BCR: variants seen among roughly 807,000 people sequenced by gnomAD.
The protein encoded by BCR is BCR activator of RhoGEF and GTPase.
Under a neutral mutation model 138.6 loss-of-function variants are expected in BCR, and 58 were observed. The ratio of observed to expected loss-of-function variants is 0.42; its 90% CI spans 0.34 to 0.52. The LOEUF is 0.52. BCR is among the 20% of genes least tolerant of loss of function. The pLI is 0.06. For missense variants in BCR, 1,599 were observed against 1,727.2 expected (o/e 0.93, Z 1.32); for synonymous variants, 786 against 730.1 (o/e 1.08, Z -1.23).
chr22:23,207,212 A>G (rs2072628182), intron 1 of BCR, among the ~76,000 whole-genome samples: 1 of 152,150 alleles, frequency 6.6e-6, no homozygotes, highest in Non-Finnish European at 1.5e-5. Context: ...CCATAGACAT[A>G]TATTAAAAAC....
chr22:23,258,425 C>T (rs2073320624), intron 2 of BCR, among the ~76,000 whole-genome samples: 2 of 152,168 alleles, frequency 1.3e-5, no homozygotes, highest in Admixed American at 6.5e-5. Context: ...CTGGGCACTT[C>T]GTGTTGAACC....
chr22:23,294,824 C>T (rs920073017), intron 15 of BCR, among the ~76,000 whole-genome samples, 200 bp from the exon 16 acceptor site: 19 of 152,160 alleles, frequency 1.2e-4, no homozygotes, highest in Admixed American at 3.3e-4. Flanking sequence ...TGGAAGCATC[C>T]GGGCTGGGCC....
intron 1 of BCR, among the ~76,000 whole-genome samples, chr22:23,200,567 AT>A (rs1378552331): frequency 2.0e-5 from 3 of 151,538 alleles, no homozygotes; most frequent in African/African-American, 4.8e-5. Context: ...TTAAAAAAAA[AT>A]TTTTTTTGAA....
Position 23,287,328 on chromosome 22 carries a change from C to T in BCR, c.2526+50C>T. The T allele has an allele frequency of 3.4e-6, 5 of 1,482,994 alleles. No homozygotes were observed. In the South Asian group the frequency reaches 6.9e-5, roughly 20 times the overall value. 91.9% of individuals were successfully genotyped at this position (1,482,994 alleles called of 1,614,324 possible). A position where few individuals can be genotyped will look rare whatever the true frequency, so the allele number is the denominator to read the frequency against. ...TCCTGCTCTCCTGGCCTGGGATGGGCTCCTGGTTGCCTAATGGCAGTGCGT... is the reference window on the plus strand; with the variant it reads ...TCCTGCTCTCCTGGCCTGGGATGGGTTCCTGGTTGCCTAATGGCAGTGCGT... On this transcript the variant is annotated intron_variant, in intron 11 of 22. Transcript: ENST00000305877.
intron 12 of BCR, among the ~76,000 whole-genome samples, chr22:23,288,966 C>T (rs924706776): frequency 6.6e-6 from 1 of 152,194 alleles, no homozygotes; most frequent in African/African-American, 2.4e-5. Context: ...CTCTCGGCCC[C>T]CAATGCCACC....
At chr22:23,229,885 G>C (rs1033028167) in intron 1 of BCR, among the ~76,000 whole-genome samples, 2 of 152,158 alleles carry the variant, frequency 1.3e-5, no homozygotes, top group African/African-American at 4.8e-5. Context: ...AGAGTGGAAA[G>C]AGTCCACGGG....
At chr22:23,314,435 G>A (rs1367504571) in intron 21 of BCR, 117 bp from the exon 22 acceptor site, 1 of 1,209,858 alleles carries the variant, frequency 8.3e-7, no homozygotes, top group African/African-American at 1.5e-5. Context: ...GAGTCAGCTT[G>A]CAGCACAGCC....
At chr22:23,271,472 T>G (rs749289361) in intron 5 of BCR, 60 bp from the exon 6 acceptor site, 5 of 1,543,236 alleles carry the variant, frequency 3.2e-6, no homozygotes, top group Non-Finnish European at 4.5e-6. Context: ...AAGGGGGAAC[T>G]GTCTGCATCA....
At chr22:23,254,017 G>C (rs749245847) in intron 2 of BCR, 37 bp downstream of exon 2, 2 of 1,579,240 alleles carry the variant, frequency 1.3e-6, no homozygotes, top group Non-Finnish European at 8.6e-7. Context: ...AGGAGGGCCA[G>C]GTGAGGCTCC....
At chr22:23,188,088 C>T (rs1441663902) in intron 1 of BCR, among the ~76,000 whole-genome samples, 4 of 152,144 alleles carry the variant, frequency 2.6e-5, no homozygotes, top group African/African-American at 4.8e-5. Flanking sequence ...TTGGCTCCAT[C>T]GTCATCTCTT....
chr22:23,304,099 ATTTTTTTTT>A (rs56805241), intron 16 of BCR, among the ~76,000 whole-genome samples: 5 of 102,190 alleles, frequency 4.9e-5, no homozygotes, highest in Admixed American at 3.1e-4. Flanking sequence ...ATGCCAGGCT[ATTTTTTTTT>A]TTTTTTTTTT....
At chr22:23,277,284 A>G (rs1440295425) in intron 8 of BCR, among the ~76,000 whole-genome samples, 3 of 152,152 alleles carry the variant, frequency 2.0e-5, no homozygotes, top group Admixed American at 6.5e-5. Context: ...CGACTCAGAG[A>G]GGTTGAGTGT....
intron 1 of BCR, among the ~76,000 whole-genome samples, chr22:23,226,985 A>G (rs2072901905): frequency 6.6e-6 from 1 of 152,128 alleles, no homozygotes; most frequent in African/African-American, 2.4e-5. Context: ...GCCATTGGTG[A>G]CCTGGAGGTG....
In BCR at chr22:23,222,942, C is replaced by G. The variant is rs559969026; in HGVS notation, c.1280-30857C>G. On this transcript the variant is annotated intron_variant, in intron 1 of 22. Transcript: ENST00000305877. ...TTCTGGATTTGGGGAAGTTTGAGAT[C>G]AAGGCACCTACAGATTACATGTTAG... Among the ~76,000 whole-genome samples, 7 of 152,266 alleles carry G rather than the reference C, an allele frequency of 4.6e-5. No individual in the cohort carries two copies. In the East Asian group the frequency reaches 1.2e-3, roughly 25 times the overall value.
At chr22:23,309,518 C>T (rs1288441590) in intron 17 of BCR, 35 bp downstream of exon 17, 4 of 1,559,216 alleles carry the variant, frequency 2.6e-6, no homozygotes, top group East Asian at 2.4e-5. Context: ...GTGCCCACTT[C>T]CCCCAGAAGG....
chr22:23,250,009 G>A lies in BCR; in HGVS notation c.1280-3790G>A, dbSNP rs140442629. ...ACCTAGTCTCTCTGTCTCACCTGGC[G>A]GGGTGATGTGTCCACTTCAAAGTCT... On this transcript the variant is annotated intron_variant, in intron 1 of 22. Transcript: ENST00000305877. Among the ~76,000 whole-genome samples, 326 of 152,342 alleles carry A rather than the reference G, an allele frequency of 2.1e-3. 1 individual carries two copies. Among genetic ancestry groups the A allele is most frequent in the African/African-American group, 7.3e-3 (302 of 41,580 alleles).
intron 1 of BCR, among the ~76,000 whole-genome samples, chr22:23,218,583 C>T (rs1294706579): frequency 1.3e-5 from 2 of 152,120 alleles, no homozygotes; most frequent in Non-Finnish European, 2.9e-5. Context: ...TGGCAGGGTG[C>T]GGAGGTGAGG....
intron 4 of BCR, among the ~76,000 whole-genome samples, chr22:23,267,335 C>T (rs1292465845): frequency 6.6e-6 from 1 of 152,136 alleles, no homozygotes; most frequent in Non-Finnish European, 1.5e-5. Flanking sequence ...TGGCAGGGGC[C>T]TGGCAGGTGT....
chr22:23,295,086 C>A lies in BCR; in HGVS notation c.2943C>A (p.Tyr981Ter). The A allele has an allele frequency of 1.2e-6, 2 of 1,614,150 alleles. No homozygotes were observed. The highest frequency in any genetic ancestry group is 1.7e-6 in the Non-Finnish European group (2 of 1,180,012). Residue 981 changes from tyrosine to a stop codon, truncating the protein, a stop_gained, in exon 16 of 23, where the codon TAC becomes TAA. Transcript: ENST00000305877. LOFTEE classifies it high-confidence loss of function. Reference protein sequence around the residue: ...TLRILCYEKCYNKTKIPKEDG... With the variant: ...TLRILCYEKC ...GGATACTGTGCTATGAAAAGTGTTACAACAAGACGAAGATCCCCAAGGAGG... is the reference window on the plus strand; with the variant it reads ...GGATACTGTGCTATGAAAAGTGTTAAAACAAGACGAAGATCCCCAAGGAGG...
Sources: gnomAD v4.1 joint callset for allele counts (sites outside exome capture counted in the v4.1 genomes callset) on GRCh38, gnomAD v4.1.1 for gene constraint, MANE v1.5 for transcripts, NCBI Gene and HGNC (gene_info 2026-07-23, HGNC 2026-07-21) for gene names.